The following DNAH14 variants were observed in gnomAD, a reference collection of about 807,000 sequenced individuals.
The protein encoded by DNAH14 is dynein axonemal heavy chain 14.
In DNAH14, 478 loss-of-function variants were observed where a neutral mutation model predicts 520.9. That is an observed-to-expected ratio of 0.92 (90% CI 0.85 to 0.99). The LOEUF is 0.99. Among genes scored for constraint, DNAH14 ranks in the 50% least tolerant of loss-of-function variants. The probability of loss-of-function intolerance (pLI) is 0.00; values close to 1 mark genes in which losing one functional copy is unlikely to be tolerated. For synonymous variants in DNAH14, 1,581 were observed against 1,757.2 expected (o/e 0.90, Z 2.51); for missense variants, 4,831 against 5,234.5 (o/e 0.92, Z 2.38).
In DNAH14 at chr1:225,167,220, C is replaced by T. The variant is rs140492785; in HGVS notation, c.5446-719C>T. Among the ~76,000 whole-genome samples, 347 of 152,272 alleles carry T rather than the reference C, an allele frequency of 2.3e-3. 1 individual carries two copies. The highest frequency in any genetic ancestry group is 8.1e-3 in the African/African-American group (338 of 41,560). ...ATTGTACAGTCCTACTGAGTATTTCCTTCACCTGCTTTGTTCTGTCTCAAT... is the reference window on the plus strand; with the variant it reads ...ATTGTACAGTCCTACTGAGTATTTCTTTCACCTGCTTTGTTCTGTCTCAAT... On this transcript the variant is annotated intron_variant, in intron 35 of 85. Transcript: ENST00000682510.
intron 1 of DNAH14, among the ~76,000 whole-genome samples, chr1:224,944,548 T>G (rs370232089): frequency 1.3e-5 from 2 of 152,108 alleles, no homozygotes; most frequent in African/African-American, 2.4e-5. Context: ...ATGTTAGCTG[T>G]TTATTTTGCT....
chr1:225,167,822 A>G (rs2082178919), intron 35 of DNAH14, 117 bp from the exon 36 acceptor site: 1 of 525,944 alleles, frequency 1.9e-6, no homozygotes, highest in Non-Finnish European at 3.2e-6. Flanking sequence ...TAAAAAATCA[A>G]GAATTACTAT....
At chr1:225,309,920 A>G (rs2094325673) in intron 60 of DNAH14, among the ~76,000 whole-genome samples, 2 of 152,042 alleles carry the variant, frequency 1.3e-5, no homozygotes, top group South Asian at 4.2e-4. Context: ...AGATATACCT[A>G]ATGCTAAATG....
At chr1:225,178,641 A>T (rs1369849746) in intron 36 of DNAH14, among the ~76,000 whole-genome samples, 4 of 152,252 alleles carry the variant, frequency 2.6e-5, no homozygotes, top group Non-Finnish European at 1.5e-5. Flanking sequence ...GCCCATAGGC[A>T]GATGAGACTT....
chr1:225,123,502 C>A, intron 26 of DNAH14, 25 bp from the exon 27 acceptor site: 1 of 405,826 alleles, frequency 2.5e-6, no homozygotes, highest in Non-Finnish European at 5.1e-6. Flanking sequence ...GTATAAATAA[C>A]ATAAATAAAT....
intron 38 of DNAH14, among the ~76,000 whole-genome samples, chr1:225,201,378 C>T (rs2149398052): frequency 6.6e-6 from 1 of 152,098 alleles, no homozygotes; most frequent in Non-Finnish European, 1.5e-5. Flanking sequence ...TCAGGGATTT[C>T]GTCTTGGTTT....
intron 20 of DNAH14, among the ~76,000 whole-genome samples, chr1:225,084,216 A>G (rs1283190460): frequency 6.6e-6 from 1 of 152,100 alleles, no homozygotes; most frequent in African/African-American, 2.4e-5. Context: ...TTCTTCTTGA[A>G]GATAATTATA....
chr1:225,027,860 T>A (rs542058380), intron 11 of DNAH14, among the ~76,000 whole-genome samples: 5 of 60,186 alleles, frequency 8.3e-5, no homozygotes, highest in Non-Finnish European at 2.1e-4. Flanking sequence ...TTGGATTTTG[T>A]CAAATGCTTT....
chr1:224,961,192 A>G (rs1326544843), intron 4 of DNAH14: 3 of 152,208 alleles, frequency 2.0e-5, no homozygotes, highest in Non-Finnish European at 4.4e-5. Flanking sequence ...GCTTGGAAGC[A>G]GATCTTTTCC....
rs117060322 is a variant in DNAH14 at position 225,263,248 on chromosome 1, A to G, written c.7158-949A>G. Among the ~76,000 whole-genome samples, 168 of 151,232 alleles carry G rather than the reference A, an allele frequency of 1.1e-3. 1 individual carries two copies. In the East Asian group the frequency reaches 0.026, roughly 24 times the overall value. On this transcript the variant is annotated intron_variant, in intron 46 of 85. Transcript: ENST00000682510. ...TATATATACATATATATACACATAT[A>G]TATACATGTATATATATAATACTTG...
chr1:225,065,262 G>A (rs1008998150), intron 17 of DNAH14, among the ~76,000 whole-genome samples: 1 of 151,588 alleles, frequency 6.6e-6, no homozygotes, highest in Non-Finnish European at 1.5e-5. Context: ...TATTTATAGG[G>A]TACAAAGTGA....
chr1:225,093,738 A>G (rs2074631556), intron 21 of DNAH14, among the ~76,000 whole-genome samples: 1 of 152,062 alleles, frequency 6.6e-6, no homozygotes, highest in Non-Finnish European at 1.5e-5. Context: ...AAAATGCCAC[A>G]ATTTCTGCAC....
At chr1:225,052,117 T>C (rs1291331372) in intron 17 of DNAH14, among the ~76,000 whole-genome samples, 1 of 152,228 alleles carries the variant, frequency 6.6e-6, no homozygotes, top group African/African-American at 2.4e-5. Context: ...ATTTGTTTGT[T>C]TGTTGATCAT....
chr1:225,014,717 A>G (rs1457257856), intron 10 of DNAH14, among the ~76,000 whole-genome samples: 1 of 152,168 alleles, frequency 6.6e-6, no homozygotes, highest in African/African-American at 2.4e-5. Flanking sequence ...GTTCTAAAAT[A>G]TGGTCAATCA....
chr1:225,106,285 C>T (rs2076040132), intron 23 of DNAH14, among the ~76,000 whole-genome samples: 2 of 151,930 alleles, frequency 1.3e-5, no homozygotes, highest in South Asian at 4.1e-4. Context: ...TTGTGGATAA[C>T]CCGACCTTTC....
chr1:225,367,008 T>TACACACACACAC (rs111814272), intron 76 of DNAH14, among the ~76,000 whole-genome samples: 1 of 149,396 alleles, frequency 6.7e-6, no homozygotes, highest in Non-Finnish European at 1.5e-5. Flanking sequence ...CTCATGTTCA[T>TACACACACACAC]ACACACACAC....
At chr1:225,124,001 C>T (rs7524227) in intron 27 of DNAH14, among the ~76,000 whole-genome samples, 11,683 of 152,166 alleles carry the variant, frequency 0.077, 1,445 homozygotes, top group African/African-American at 0.26. Flanking sequence ...GATCTGCCCA[C>T]CTCAGCCTCC....
chr1:225,257,205 T>C (rs997052492), intron 44 of DNAH14, among the ~76,000 whole-genome samples: 1 of 152,206 alleles, frequency 6.6e-6, no homozygotes, highest in Non-Finnish European at 1.5e-5. Context: ...GGTTAGGGCA[T>C]CCACCACTGG....
At chr1:224,954,103 A>G (rs2060351901) in intron 2 of DNAH14, among the ~76,000 whole-genome samples, 1 of 152,104 alleles carries the variant, frequency 6.6e-6, no homozygotes, top group Non-Finnish European at 1.5e-5. Context: ...AGTACCAAAA[A>G]AAGAAAAAAA....
Sources: allele counts gnomAD v4.1 joint callset (sites outside exome capture counted in the v4.1 genomes callset), GRCh38; gene constraint gnomAD v4.1.1; transcripts MANE v1.5; gene names NCBI Gene and HGNC (gene_info 2026-07-23, HGNC 2026-07-21).